KCNH8: variants seen among roughly 807,000 people sequenced by gnomAD.
KCNH8 encodes the protein potassium voltage-gated channel subfamily H member 8, also known as voltage-gated delayed rectifier potassium channel KCNH8.
A neutral mutation model predicts 103.6 loss-of-function variants in KCNH8; 70 were observed. The ratio of observed to expected loss-of-function variants is 0.68; its 90% CI spans 0.56 to 0.82. The LOEUF is 0.82. Ranked by LOEUF, KCNH8 falls within the 40% of genes least tolerant of loss-of-function variation. The pLI, the probability that KCNH8 is intolerant of heterozygous loss-of-function variation, is 0.00. For synonymous variants in KCNH8, 498 were observed against 489.4 expected, an observed-to-expected ratio of 1.02 and a Z score of -0.23; for missense variants, 1,217 against 1,329.9, an observed-to-expected ratio of 0.92 and a Z score of 1.32.
At chr3:19,232,346 T>G (rs576550769) in intron 1 of KCNH8, among the ~76,000 whole-genome samples, 38 of 152,254 alleles carry the variant, frequency 2.5e-4, no homozygotes, top group African/African-American at 8.2e-4. Flanking sequence ...TCCCTCAACA[T>G]TTTCATCAAA....
chr3:19,201,231 C>CAAAAAAAAAAAAAAAAAAAAAAAAA (rs1170312203), intron 1 of KCNH8, among the ~76,000 whole-genome samples: 1 of 22,054 alleles, frequency 4.5e-5, no homozygotes, highest in African/African-American at 1.8e-4. Context: ...GACTCTGCCT[C>CAAAAAAAAAAAAAAAAAAAAAAAAA]AAAAAAAAAA....
rs569016400 is a variant in KCNH8, at chr3:19,503,673, C to T, written c.2041-6690C>T. On this transcript the variant is annotated intron_variant, in intron 11 of 15. Coordinates refer to ENST00000328405, the MANE Select transcript of KCNH8 (RefSeq NM_144633.3). ...AATCATCATTCTCAGTAAACTATCT[C>T]AAGAACAAAAAACCAAACACCGCAT... 4.0e-5 allele frequency among the ~76,000 whole-genome samples: 6 copies of T among 150,188 alleles called. No individual in the cohort carries two copies. The East Asian group carries it at 1.2e-3, about 30-fold the overall frequency.
At chr3:19,481,151 C>G (rs1453244856) in intron 11 of KCNH8, among the ~76,000 whole-genome samples, 1 of 152,082 alleles carries the variant, frequency 6.6e-6, no homozygotes, top group Non-Finnish European at 1.5e-5. Flanking sequence ...TTATCTCTCT[C>G]AAGACTTCAT....
At chr3:19,395,376 G>C (rs2066500403) in intron 7 of KCNH8, 65 bp downstream of exon 7, 2 of 1,125,198 alleles carry the variant, frequency 1.8e-6, no homozygotes, top group Middle Eastern at 2.1e-4. Context: ...TCAAGAACTT[G>C]GAGGAAGTGA....
chr3:19,397,181 A>C (rs2066531856), intron 7 of KCNH8, among the ~76,000 whole-genome samples: 1 of 151,944 alleles, frequency 6.6e-6, no homozygotes, highest in African/African-American at 2.4e-5. Context: ...CCTTACTTGT[A>C]TTCTTGGTCC....
chr3:19,524,234 A>G (rs1382277589), intron 15 of KCNH8, among the ~76,000 whole-genome samples: 2 of 151,908 alleles, frequency 1.3e-5, no homozygotes, highest in Non-Finnish European at 2.9e-5. Flanking sequence ...AGATTTGTCT[A>G]TATAGGCTTT....
chr3:19,262,491 A>G (rs866945213), intron 2 of KCNH8, among the ~76,000 whole-genome samples: 4 of 152,058 alleles, frequency 2.6e-5, no homozygotes, highest in African/African-American at 9.7e-5. Context: ...GTAAAATTTC[A>G]GAGTATTCCC....
chr3:19,412,518 CA>C (rs1407011312), intron 7 of KCNH8, among the ~76,000 whole-genome samples: 3 of 151,880 alleles, frequency 2.0e-5, no homozygotes, highest in Non-Finnish European at 4.4e-5. Flanking sequence ...AAAGCAATCA[CA>C]ACAAAAACAA....
chr3:19,292,114 C>G (rs1045779424), intron 3 of KCNH8, among the ~76,000 whole-genome samples: 2 of 151,972 alleles, frequency 1.3e-5, no homozygotes, highest in African/African-American at 2.4e-5. Flanking sequence ...TAATACATGC[C>G]TTGTTTTTCC....
intron 3 of KCNH8, among the ~76,000 whole-genome samples, chr3:19,299,170 G>T (rs2065032601): frequency 1.3e-5 from 2 of 152,058 alleles, no homozygotes; most frequent in South Asian, 4.2e-4. Context: ...CCTGGTTCTG[G>T]GTAGTGCATG....
intron 7 of KCNH8, among the ~76,000 whole-genome samples, chr3:19,428,908 T>TTCTCCTGTGTGTTGTC (rs1314997509): frequency 6.6e-6 from 1 of 152,186 alleles, no homozygotes; most frequent in East Asian, 1.9e-4. Flanking sequence ...GTGTTTCTTG[T>TTCTCCTGTGTGTTGTC]TCTCCTGTGT....
At chr3:19,245,647 GA>G (rs1256227555) in intron 1 of KCNH8, among the ~76,000 whole-genome samples, 2 of 152,000 alleles carry the variant, frequency 1.3e-5, no homozygotes, top group South Asian at 2.1e-4. Context: ...TTATGGTAGA[GA>G]TTTTTTTTAA....
At chr3:19,189,476 G>C (rs2063531330) in intron 1 of KCNH8, among the ~76,000 whole-genome samples, 1 of 151,696 alleles carries the variant, frequency 6.6e-6, no homozygotes, top group African/African-American at 2.4e-5. Context: ...CAGTGTTTTG[G>C]CCTTTTTGGT....
intron 3 of KCNH8, among the ~76,000 whole-genome samples, chr3:19,301,101 A>G (rs1441343194): frequency 1.3e-5 from 2 of 151,482 alleles, no homozygotes; most frequent in Non-Finnish European, 2.9e-5. Flanking sequence ...GGGTTCAGTA[A>G]CATTCCCAAG....
At chr3:19,280,856 G>A (rs1368154742) in intron 2 of KCNH8, among the ~76,000 whole-genome samples, 2 of 152,080 alleles carry the variant, frequency 1.3e-5, no homozygotes, top group East Asian at 3.8e-4. Flanking sequence ...GTGTGTGCTG[G>A]GGGTGGGAAG....
intron 1 of KCNH8, among the ~76,000 whole-genome samples, chr3:19,220,512 C>T (rs564045434): frequency 1.3e-5 from 2 of 152,222 alleles, no homozygotes; most frequent in Admixed American, 6.5e-5. Flanking sequence ...GTGGTGAAAC[C>T]TGTCAACAAT....
At chr3:19,467,325 AC>A (rs2067761114) in intron 11 of KCNH8, among the ~76,000 whole-genome samples, 1 of 151,818 alleles carries the variant, frequency 6.6e-6, no homozygotes, top group Non-Finnish European at 1.5e-5. Context: ...ACACACACAC[AC>A]ATGTGCACAC....
intron 1 of KCNH8, among the ~76,000 whole-genome samples, chr3:19,191,926 G>T (rs2063556994): frequency 6.6e-6 from 1 of 151,340 alleles, no homozygotes; most frequent in Non-Finnish European, 1.5e-5. Context: ...TAGGACATTA[G>T]TTCTACCCAT....
intron 2 of KCNH8, among the ~76,000 whole-genome samples, chr3:19,273,605 A>G (rs1202442958): frequency 6.6e-6 from 1 of 152,178 alleles, no homozygotes; most frequent in East Asian, 1.9e-4. Context: ...GAAGCTTCCT[A>G]AGAGAGCAAG....
Sources: gnomAD v4.1 joint callset for allele counts (sites outside exome capture counted in the v4.1 genomes callset) on GRCh38, gnomAD v4.1.1 for gene constraint, MANE v1.5 for transcripts, NCBI Gene and HGNC (gene_info 2026-07-23, HGNC 2026-07-21) for gene names.